The following HERC1 variants were observed in gnomAD, a reference collection of about 807,000 sequenced individuals.
HERC1 encodes the protein HECT and RLD domain containing E3 ubiquitin protein ligase family member 1, also known as probable E3 ubiquitin-protein ligase HERC1.
A neutral mutation model predicts 554.3 loss-of-function variants in HERC1; 160 were observed. The observed-to-expected ratio is 0.29, with a 90% CI of 0.25 to 0.33. The LOEUF (loss-of-function observed/expected upper bound fraction) is 0.33. Ranked by LOEUF, HERC1 falls within the 10% of genes least tolerant of loss-of-function variation. The pLI is 1.00. For missense variants in HERC1, 4,919 were observed against 5,918.5 expected (o/e 0.83, Z 5.54); for synonymous variants, 2,175 against 2,131.7 (o/e 1.02, Z -0.56).
chr15:63,629,529 C>A (rs971600584), intron 69 of HERC1, among the ~76,000 whole-genome samples: 61 of 152,306 alleles, frequency 4.0e-4, no homozygotes, highest in African/African-American at 1.4e-3. Context: ...AATCTCCAAA[C>A]CTCTATACTT....
chr15:63,685,891 C>A (rs946395280), intron 34 of HERC1, among the ~76,000 whole-genome samples: 1 of 152,200 alleles, frequency 6.6e-6, no homozygotes, highest in Non-Finnish European at 1.5e-5. Context: ...CTTATTGTAT[C>A]TAGATTGTAC....
chr15:63,659,144 T>A (rs2070213234), intron 47 of HERC1, among the ~76,000 whole-genome samples: 1 of 152,184 alleles, frequency 6.6e-6, no homozygotes. Context: ...TGCACAATAA[T>A]TTTAAGTTGG....
chr15:63,790,622 T>A (rs1596264079), intron 1 of HERC1, among the ~76,000 whole-genome samples: 1 of 43,174 alleles, frequency 2.3e-5, no homozygotes, highest in South Asian at 4.4e-4. Flanking sequence ...AATACTAGAA[T>A]AATAGACACC....
At chr15:63,739,293 G>T (rs1186982022) in intron 12 of HERC1, among the ~76,000 whole-genome samples, 1 of 145,814 alleles carries the variant, frequency 6.9e-6, no homozygotes, top group African/African-American at 2.5e-5. Flanking sequence ...CATCTCAAAG[G>T]TTCAGGCGAT....
chr15:63,634,745 A>G lies in HERC1; in HGVS notation c.12558T>C (p.Tyr4186=). 6.2e-7 allele frequency: 1 copy of G among 1,612,662 alleles called. No homozygotes were observed. Among genetic ancestry groups the G allele is most frequent in the Non-Finnish European group, 8.5e-7 (1 of 1,179,178 alleles). Residue 4186 remains tyrosine, a synonymous_variant, in exon 66 of 78, where the codon TAT becomes TAC. Coordinates refer to ENST00000443617, the MANE Select transcript of HERC1 (RefSeq NM_003922.4). ...LPERVTALEG[Y]QIGQVACGLN... is the part of the protein sequence containing the mutation. ...ATTTATTCCATGCCTGTCCAATCTGATATCCCTCCAGTGCAGTCACTCTCT... is the reference window on the plus strand; with the variant it reads ...ATTTATTCCATGCCTGTCCAATCTGGTATCCCTCCAGTGCAGTCACTCTCT...
chr15:63,714,294 T>C (rs1316330691), intron 22 of HERC1, among the ~76,000 whole-genome samples: 1 of 152,194 alleles, frequency 6.6e-6, no homozygotes, highest in Non-Finnish European at 1.5e-5. Context: ...ATCTACACTT[T>C]GCTGTATCTT....
At chr15:63,771,709 A>G (rs544939174) in intron 2 of HERC1, among the ~76,000 whole-genome samples, 1 of 152,254 alleles carries the variant, frequency 6.6e-6, no homozygotes, top group South Asian at 2.1e-4. Flanking sequence ...CTGGGATTAC[A>G]GGTGTAAGCC....
Position 63,725,409 on chromosome 15 carries a change from G to A in HERC1, c.3451C>T (p.Arg1151Trp), listed in dbSNP as rs771392135. 7 of 1,613,594 alleles carry A rather than the reference G, an allele frequency of 4.3e-6. No individual in the cohort carries two copies. The highest frequency in any genetic ancestry group is 2.2e-5 in the South Asian group (2 of 91,048). ...LERTIALLIG[R>W]CLGGMLQGSP... ...CCCTGAAGCATGCCACCAAGACACC[G>A]CCCAATAAGGAGAGCAATTGTTCTT... is the stretch of plus-strand genomic sequence containing the variant. Residue 1151 changes from arginine to tryptophan, a missense_variant, in exon 18 of 78, where the codon CGG becomes TGG. By Grantham distance (101) the Arg-to-Trp change is moderately radical (BLOSUM62 -3). Transcript: ENST00000443617.
chr15:63,634,458 C>T (rs2068694896), intron 66 of HERC1, among the ~76,000 whole-genome samples: 1 of 152,118 alleles, frequency 6.6e-6, no homozygotes, highest in Admixed American at 6.6e-5. Context: ...GGTTTAATAG[C>T]AAGTGGTATT....
In HERC1 at chr15:63,764,091, C is replaced by A. The variant is rs1303986074; in HGVS notation, c.1026+5G>T. On this transcript the variant is annotated splice_donor_5th_base_variant and intron_variant, in intron 3 of 77. Transcript: ENST00000443617. ...GTTAATACAAAAGCCACGATTATTACGTACCTCTTCAAAGAGACATAATGC... is the reference window on the plus strand; with the variant it reads ...GTTAATACAAAAGCCACGATTATTAAGTACCTCTTCAAAGAGACATAATGC... 6.3e-7 allele frequency: 1 copy of A among 1,588,490 alleles called. No individual in the cohort carries two copies. The highest frequency in any genetic ancestry group is 1.7e-5 in the Admixed American group (1 of 58,262).
In HERC1 at chr15:63,690,596, A is replaced by G; in HGVS notation, c.5882T>C (p.Leu1961Pro). The stretch of plus-strand genomic sequence containing the variant: ...TTCACAAGCTGGCAGCACAGCTTCA[A>G]GGACATGAAGTGCAAGGAGCCTTGT... The part of the protein sequence containing the change: ...LRTRLLALHV[L>P]EAVLPACESG... The change falls in exon 32 of 78, where the codon CTT becomes CCT. Residue 1961 changes from leucine to proline, a missense_variant. By Grantham distance (98) the Leu-to-Pro change is moderately conservative. This residue lies in a region of HERC1 where 1,121 missense variants were observed against 1,244.0 expected (regional missense o/e 0.90). Coordinates refer to ENST00000443617, the MANE Select transcript of HERC1 (RefSeq NM_003922.4). 6.2e-7 allele frequency: 1 copy of G among 1,613,524 alleles called. No homozygotes were observed. Among genetic ancestry groups the G allele is most frequent in the Non-Finnish European group, 8.5e-7 (1 of 1,179,532 alleles).
intron 1 of HERC1, among the ~76,000 whole-genome samples, chr15:63,823,514 G>A (rs1013895906): frequency 3.3e-5 from 5 of 152,150 alleles, no homozygotes; most frequent in Non-Finnish European, 5.9e-5. Flanking sequence ...GGAGCTGGGG[G>A]AAAGAACAGA....
chr15:63,808,805 G>A lies in HERC1; in HGVS notation c.-27+25022C>T, dbSNP rs562891762. 5.3e-5 allele frequency among the ~76,000 whole-genome samples: 8 copies of A among 152,030 alleles called. No homozygotes were observed. In the East Asian group the frequency reaches 5.8e-4, roughly 11 times the overall value. ...GAAGTATACTTTCTAGAGGAATGAAGATCCTGAGGGTCCTTATCATATTGT... is the reference window on the plus strand; with the variant it reads ...GAAGTATACTTTCTAGAGGAATGAAAATCCTGAGGGTCCTTATCATATTGT... On this transcript the variant is annotated intron_variant, in intron 1 of 77. Transcript: ENST00000443617.
chr15:63,655,982 T>C lies in HERC1; in HGVS notation c.9871-27A>G, dbSNP rs190834623. The C allele has an allele frequency of 3.1e-4, 492 of 1,598,056 alleles. 2 individuals are homozygous for C. Among genetic ancestry groups the C allele is most frequent in the Non-Finnish European group, 2.8e-5 (33 of 1,169,368 alleles). ...TGAAGAAGCAATTGGAAAAACAGAC[T>C]TAATTTTTACATGTAATTTTGGAAC... is the stretch of plus-strand genomic sequence containing the variant. On this transcript the variant is annotated intron_variant, in intron 49 of 77. Coordinates refer to ENST00000443617, the MANE Select transcript of HERC1 (RefSeq NM_003922.4).
intron 12 of HERC1, among the ~76,000 whole-genome samples, chr15:63,737,469 ATCT>A (rs1188776128): frequency 8.8e-6 from 1 of 113,586 alleles, no homozygotes. Flanking sequence ...ATATATATAT[ATCT>A]TTTTTCCAGA....
At position 63,749,780 on chromosome 15, in the gene HERC1, C is replaced by G; in HGVS notation, c.1914G>C (p.Trp638Cys). 6.4e-7 allele frequency: 1 copy of G among 1,568,724 alleles called. No homozygotes were observed. Among genetic ancestry groups the G allele is most frequent in the Non-Finnish European group, 8.6e-7 (1 of 1,157,212 alleles). The change falls in exon 9 of 78, where the codon TGG (tryptophan) becomes TGC (cysteine). Residue 638 changes from tryptophan to cysteine, a missense_variant. Physicochemically the swap from Trp to Cys is radical, Grantham distance 215. Transcript: ENST00000443617. The surrounding 1 kb of genome is among the most constrained non-coding windows in gnomAD (Gnocchi z 4.1). ...ALTSTGQVYA[W>C]GCGACLGCGS... ...CACAACCTAGACAAGCTCCACAGCC[C>G]CAAGCATAGACCTGAAAAAAACAGA...
chr15:63,732,797 T>C (rs2074351217), intron 14 of HERC1, 127 bp downstream of exon 14: 2 of 629,718 alleles, frequency 3.2e-6, no homozygotes, highest in South Asian at 2.1e-5. Context: ...CCTGACATGT[T>C]TTTCCCCTTG....
At chr15:63,827,151 G>A (rs1258465298) in intron 1 of HERC1, among the ~76,000 whole-genome samples, 3 of 152,294 alleles carry the variant, frequency 2.0e-5, no homozygotes, top group East Asian at 1.9e-4. Flanking sequence ...TAGGCTGGGT[G>A]CAGTGGCTCA....
intron 61 of HERC1, among the ~76,000 whole-genome samples, chr15:63,639,368 T>G (rs2068930518): frequency 6.6e-6 from 1 of 152,226 alleles, no homozygotes; most frequent in African/African-American, 2.4e-5. Flanking sequence ...TGTACAGGTT[T>G]GTAGCCTAGG....
Sources: allele counts gnomAD v4.1 joint callset (sites outside exome capture counted in the v4.1 genomes callset), GRCh38; gene constraint gnomAD v4.1.1; regional missense constraint gnomAD v4.1.1; non-coding constraint Gnocchi (gnomAD v3.1); transcripts MANE v1.5; gene names NCBI Gene and HGNC (gene_info 2026-07-23, HGNC 2026-07-21).